The following CMTM4 variants were observed in gnomAD, a reference collection of about 807,000 sequenced individuals.
CMTM4 encodes the protein CKLF like MARVEL transmembrane domain containing 4.
In CMTM4, 8 loss-of-function variants were observed where a neutral mutation model predicts 19.0. That is an observed-to-expected ratio of 0.42 (90% CI 0.25 to 0.76). The LOEUF (loss-of-function observed/expected upper bound fraction) is 0.76. CMTM4 is among the 30% of genes least tolerant of loss of function. The pLI, the probability that CMTM4 is intolerant of heterozygous loss-of-function variation, is 0.27. For synonymous variants in CMTM4, 106 were observed against 121.1 expected (o/e 0.88, Z 0.82); for missense variants, 228 against 290.2 (o/e 0.79, Z 1.56).
intron 1 of CMTM4, among the ~76,000 whole-genome samples, chr16:66,684,336 G>C (rs1377041506): frequency 6.6e-6 from 1 of 151,996 alleles, no homozygotes; most frequent in Non-Finnish European, 1.5e-5. Flanking sequence ...ACCAAGCCTA[G>C]CTAATTTTTT....
chr16:66,655,541 GTGTGTT>G (rs1264702825), intron 1 of CMTM4, among the ~76,000 whole-genome samples: 10 of 151,452 alleles, frequency 6.6e-5, no homozygotes, highest in African/African-American at 9.7e-5. Context: ...GTGTGTGTGT[GTGTGTT>G]TATTTATGTG....
chr16:66,675,251 T>G, intron 1 of CMTM4, among the ~76,000 whole-genome samples: 1 of 151,146 alleles, frequency 6.6e-6, no homozygotes, highest in Admixed American at 6.6e-5. Flanking sequence ...CGGCTAATTT[T>G]TGTATTTTTA....
chr16:66,630,906 C>T (rs1448345744), intron 2 of CMTM4, among the ~76,000 whole-genome samples: 32 of 147,936 alleles, frequency 2.2e-4, no homozygotes, highest in South Asian at 1.1e-3. Context: ...GCCTCTGCCC[C>T]GCCGCCCCGT....
At chr16:66,668,362 T>C (rs1232508777) in intron 1 of CMTM4, among the ~76,000 whole-genome samples, 2 of 152,182 alleles carry the variant, frequency 1.3e-5, no homozygotes, top group African/African-American at 4.8e-5. Context: ...GTTCTGCTTA[T>C]GGCCATTCTG....
At chr16:66,694,476 G>A (rs1352576911) in intron 1 of CMTM4, among the ~76,000 whole-genome samples, 2 of 151,794 alleles carry the variant, frequency 1.3e-5, no homozygotes, top group Non-Finnish European at 2.9e-5. Context: ...TTGGGAGGCC[G>A]AGGTGGGCGG....
At position 66,618,881 on chromosome 16, in the gene CMTM4, G is replaced by C. The variant is rs1029059119; in HGVS notation, c.*3177C>G. The C allele has an allele frequency of 1.0e-6, 1 of 985,426 alleles. No homozygotes were observed. The highest frequency in any genetic ancestry group is 1.2e-6 in the Non-Finnish European group (1 of 830,008). The allele number at this position is 985,426 out of a possible 1,614,324, so 61.0% of individuals were successfully genotyped here. A position where few individuals can be genotyped will look rare whatever the true frequency, so the allele number is the denominator to read the frequency against. On this transcript the variant is annotated 3_prime_UTR_variant, in exon 4 of 4. Transcript: ENST00000394106. ...CAGTAACAGGGCCCGAAGGGCTGGGGGTGCCGCTGGCTTCCCAGGGCCAAG... is the reference window on the plus strand; with the variant it reads ...CAGTAACAGGGCCCGAAGGGCTGGGCGTGCCGCTGGCTTCCCAGGGCCAAG...
intron 1 of CMTM4, among the ~76,000 whole-genome samples, chr16:66,640,614 A>G (rs991359237): frequency 2.6e-5 from 4 of 152,300 alleles, no homozygotes; most frequent in Middle Eastern, 3.4e-3. Flanking sequence ...CTTTGCGGAG[A>G]ACAGACTACA....
intron 1 of CMTM4, among the ~76,000 whole-genome samples, chr16:66,654,081 C>T (rs1022120533): frequency 6.6e-6 from 1 of 152,136 alleles, no homozygotes; most frequent in African/African-American, 2.4e-5. Flanking sequence ...ATAAAATTCA[C>T]TCTCTAAAAT....
At chr16:66,686,153 C>G (rs1479749654) in intron 1 of CMTM4, among the ~76,000 whole-genome samples, 1 of 151,750 alleles carries the variant, frequency 6.6e-6, no homozygotes, top group African/African-American at 2.4e-5. Context: ...CTCGGGGAGT[C>G]TGAGGCAGGA....
rs772354497 is a variant in CMTM4, at chr16:66,622,071, C to T, written c.614G>A (p.Arg205His). The T allele has an allele frequency of 5.1e-6, 8 of 1,569,484 alleles. No homozygotes were observed. Among genetic ancestry groups the T allele is most frequent in the Admixed American group, 1.9e-5 (1 of 52,706 alleles). Residue 205 changes from arginine to histidine, a missense_variant, in exon 4 of 4, where the codon CGC becomes CAC. Coordinates refer to ENST00000394106, the MANE Select transcript of CMTM4 (RefSeq NM_181521.3). This position sits in a 1 kb window ranked among gnomAD's most constrained non-coding sequence, Gnocchi z 4.0. ...RDVDSRPEIQ[R>H]LDT The stretch of plus-strand genomic sequence containing the variant: ...CCAGGCAGGTCCTCACGTGTCCAGG[C>T]GCTGGATCTCAGGGCGACTGTCCAC...
chr16:66,683,050 C>T (rs2016943749), intron 1 of CMTM4, among the ~76,000 whole-genome samples: 1 of 149,204 alleles, frequency 6.7e-6, no homozygotes, highest in African/African-American at 2.5e-5. Flanking sequence ...AAAGTAATTA[C>T]GATGGCATTT....
the CMTM4 span, among the ~76,000 whole-genome samples, chr16:66,601,607 T>G: frequency 6.6e-6 from 1 of 152,222 alleles, no homozygotes; most frequent in East Asian, 1.9e-4. Flanking sequence ...AGGCCCTCCC[T>G]GGCCCAAAGG....
At chr16:66,639,894 T>C (rs994777181) in intron 1 of CMTM4, among the ~76,000 whole-genome samples, 1 of 152,154 alleles carries the variant, frequency 6.6e-6, no homozygotes, top group East Asian at 1.9e-4. Flanking sequence ...GCTGCACACC[T>C]GTAATCCCAG....
chr16:66,598,375 C>T, the CMTM4 span, among the ~76,000 whole-genome samples: 637 of 152,208 alleles, frequency 4.2e-3, 2 homozygotes, highest in African/African-American at 0.014. Flanking sequence ...CCCACTTCTC[C>T]TCTTTCAGCT....
At chr16:66,659,330 G>A (rs370225610) in intron 1 of CMTM4, among the ~76,000 whole-genome samples, 14 of 151,604 alleles carry the variant, frequency 9.2e-5, no homozygotes, top group Non-Finnish European at 1.2e-4. Flanking sequence ...AGCCGAGATC[G>A]TGCCACTGCA....
chr16:66,649,633 C>G (rs775303019), intron 1 of CMTM4, among the ~76,000 whole-genome samples: 1 of 152,080 alleles, frequency 6.6e-6, no homozygotes, highest in Non-Finnish European at 1.5e-5. Flanking sequence ...AGGTATGGTC[C>G]GTCCTCAGCA....
chr16:66,620,803 T>A lies in CMTM4; in HGVS notation c.*1255A>T, dbSNP rs949523486. The A allele has an allele frequency of 2.0e-6, 2 of 985,466 alleles. No individual in the cohort carries two copies. Among genetic ancestry groups the A allele is most frequent in the Non-Finnish European group, 2.4e-6 (2 of 829,828 alleles). The allele number at this position is 985,466 out of a possible 1,614,324, so 61.0% of individuals were successfully genotyped here. A position where few individuals can be genotyped will look rare whatever the true frequency, so the allele number is the denominator to read the frequency against. ...AACCTGACAAACTAAAACAACTTTT[T>A]TCCATAAAAGATATAATTACTCTCT... is the stretch of plus-strand genomic sequence containing the variant. On this transcript the variant is annotated 3_prime_UTR_variant, in exon 4 of 4. Coordinates refer to ENST00000394106, the MANE Select transcript of CMTM4 (RefSeq NM_181521.3).
rs1416702641 is a variant in CMTM4, at chr16:66,620,597, G to A, written c.*1461C>T. The A allele has an allele frequency of 3.0e-6, 3 of 985,600 alleles. No homozygotes were observed. Among genetic ancestry groups the A allele is most frequent in the East Asian group, 1.1e-4 (1 of 8,794 alleles). The allele number at this position is 985,600 out of a possible 1,614,324, so 61.1% of individuals were successfully genotyped here. A position where few individuals can be genotyped will look rare whatever the true frequency, so the allele number is the denominator to read the frequency against. ...ACAGACCCCCCGCCGCCCCCTCGGA[G>A]TTATTTATTACACAGTACGCTGCTA... On this transcript the variant is annotated 3_prime_UTR_variant, in exon 4 of 4. Transcript: ENST00000394106.
chr16:66,655,155 T>C (rs1239733774), intron 1 of CMTM4, among the ~76,000 whole-genome samples: 1 of 152,112 alleles, frequency 6.6e-6, no homozygotes, highest in Non-Finnish European at 1.5e-5. Flanking sequence ...GGCTAATTTT[T>C]CTAATTTTTG....
Sources: allele counts gnomAD v4.1 joint callset (sites outside exome capture counted in the v4.1 genomes callset), GRCh38; gene constraint gnomAD v4.1.1; non-coding constraint Gnocchi (gnomAD v3.1); transcripts MANE v1.5; gene names NCBI Gene and HGNC (gene_info 2026-07-23, HGNC 2026-07-21).